The following KIF2A variants were observed in gnomAD, a reference collection of about 807,000 sequenced individuals.
KIF2A encodes kinesin-like protein KIF2A.
KIF2A carries 22 observed loss-of-function variants against 100.2 expected under a neutral mutation model. The observed-to-expected ratio is 0.22, with a 90% CI of 0.16 to 0.31. KIF2A has a LOEUF of 0.31. Among genes scored for constraint, KIF2A ranks in the 10% least tolerant of loss-of-function variants. The pLI is 1.00. For missense variants in KIF2A, 495 were observed against 898.7 expected, an observed-to-expected ratio of 0.55 and a Z score of 5.74; for synonymous variants, 268 against 285.9, an observed-to-expected ratio of 0.94 and a Z score of 0.63.
At chr5:62,382,609 A>G (rs1212936551) in intron 20 of KIF2A, among the ~76,000 whole-genome samples, 2 of 146,730 alleles carry the variant, frequency 1.4e-5, no homozygotes, top group African/African-American at 5.0e-5. Context: ...AAAGTTTGGG[A>G]TTTTTGGAAC....
At chr5:62,310,213 C>A (rs760500252) in intron 1 of KIF2A, among the ~76,000 whole-genome samples, 4 of 151,786 alleles carry the variant, frequency 2.6e-5, no homozygotes, top group Non-Finnish European at 5.9e-5. Flanking sequence ...GCCACCATGC[C>A]CGGCTAATTT....
chr5:62,355,926 C>T (rs1339646497), intron 7 of KIF2A, among the ~76,000 whole-genome samples: 1 of 150,584 alleles, frequency 6.6e-6, no homozygotes, highest in African/African-American at 2.4e-5. Flanking sequence ...GGACTACAGG[C>T]GCCTGCCACC....
At chr5:62,361,789 A>AGGT (rs1313027326) in intron 11 of KIF2A, among the ~76,000 whole-genome samples, 1 of 151,874 alleles carries the variant, frequency 6.6e-6, no homozygotes, top group African/African-American at 2.4e-5. Context: ...TGGGAGGCCA[A>AGGT]GGTGGGTGGA....
At chr5:62,330,531 T>C (rs774525982) in intron 1 of KIF2A, among the ~76,000 whole-genome samples, 8 of 152,324 alleles carry the variant, frequency 5.3e-5, no homozygotes, top group Non-Finnish European at 7.4e-5. Flanking sequence ...AGTAAACTTA[T>C]GTATTTTACT....
intron 2 of KIF2A, among the ~76,000 whole-genome samples, 174 bp from the exon 3 acceptor site, chr5:62,347,874 T>C (rs1747657300): frequency 6.6e-6 from 1 of 152,152 alleles, no homozygotes; most frequent in Admixed American, 6.5e-5. Flanking sequence ...TCCGCCCACC[T>C]TGACCTCCCA....
rs929906316 is a variant in KIF2A at position 62,387,475 on chromosome 5, A to G, written c.*1906A>G. 15 of 152,228 alleles carry G rather than the reference A, an allele frequency of 9.9e-5. No homozygotes were observed. The highest frequency in any genetic ancestry group is 3.6e-4 in the African/African-American group (15 of 41,464). The allele number at this position is 152,228 out of a possible 1,614,324, so 9.4% of individuals were successfully genotyped here. A position where few individuals can be genotyped will look rare whatever the true frequency, so the allele number is the denominator to read the frequency against. ...TACTGTCTTTGGAAAGTCTCCTTAT[A>G]GACAAATATGCTGCCTTACACTATG... On this transcript the variant is annotated 3_prime_UTR_variant, in exon 21 of 21. Transcript: ENST00000407818.
rs1259641778 is a variant in KIF2A, at chr5:62,385,596, C to G, written c.*27C>G. 6.7e-7 allele frequency: 1 copy of G among 1,494,704 alleles called. No homozygotes were observed. Among genetic ancestry groups the G allele is most frequent in the South Asian group, 1.2e-5 (1 of 83,552 alleles). 92.6% of individuals were successfully genotyped at this position (1,494,704 alleles called of 1,614,324 possible). A position where few individuals can be genotyped will look rare whatever the true frequency, so the allele number is the denominator to read the frequency against. ...CCGGCATTTGCTGCTAAAGGATACC[C>G]AGAACCCTCACTACTGTAACATACA... On this transcript the variant is annotated 3_prime_UTR_variant, in exon 21 of 21. Coordinates refer to ENST00000407818, the MANE Select transcript of KIF2A (RefSeq NM_001098511.3).
intron 1 of KIF2A, among the ~76,000 whole-genome samples, chr5:62,338,798 A>G (rs933813982): frequency 1.3e-5 from 2 of 152,210 alleles, no homozygotes; most frequent in African/African-American, 2.4e-5. Flanking sequence ...TTTGCTATAC[A>G]TACAACAAAA....
chr5:62,352,526 A>T, intron 4 of KIF2A, 62 bp from the exon 5 acceptor site: 1 of 1,323,150 alleles, frequency 7.6e-7, no homozygotes, highest in Non-Finnish European at 1.0e-6. Context: ...TCTTCCTTTT[A>T]CTAAGGTTAG....
At chr5:62,349,297 T>A (rs1048828883) in intron 3 of KIF2A, among the ~76,000 whole-genome samples, 2 of 151,398 alleles carry the variant, frequency 1.3e-5, no homozygotes, top group Non-Finnish European at 2.9e-5. Flanking sequence ...TAAGTATTTT[T>A]AAAAGTATTA....
At chr5:62,307,831 T>G (rs909991234) in intron 1 of KIF2A, among the ~76,000 whole-genome samples, 3 of 152,182 alleles carry the variant, frequency 2.0e-5, no homozygotes, top group African/African-American at 7.2e-5. Flanking sequence ...TTGACAAGGC[T>G]GGTCTCGAAC....
intron 20 of KIF2A, 27 bp from the exon 21 acceptor site, chr5:62,385,457 A>G: frequency 2.0e-6 from 3 of 1,492,366 alleles, no homozygotes; most frequent in South Asian, 1.2e-5. Flanking sequence ...TACAATACTT[A>G]TTCCCTCTTT....
chr5:62,371,469 A>G (rs1321375998), intron 16 of KIF2A, among the ~76,000 whole-genome samples: 1 of 152,236 alleles, frequency 6.6e-6, no homozygotes, highest in Admixed American at 6.5e-5. Context: ...ATTTAGTTCA[A>G]CCTAAGAGAA....
At chr5:62,340,168 C>A (rs531186596) in intron 1 of KIF2A, among the ~76,000 whole-genome samples, 38 of 152,178 alleles carry the variant, frequency 2.5e-4, no homozygotes, top group Non-Finnish European at 4.4e-4. Context: ...AACTCCTGAT[C>A]TCTGGTGATC....
chr5:62,355,039 T>A (rs957124379), intron 6 of KIF2A, 120 bp from the exon 7 acceptor site: 9 of 571,770 alleles, frequency 1.6e-5, no homozygotes, highest in African/African-American at 1.3e-4. Flanking sequence ...ATATCGTCAG[T>A]TTAAGTTTAG....
chr5:62,336,317 G>A (rs1332461038), intron 1 of KIF2A, among the ~76,000 whole-genome samples: 1 of 152,214 alleles, frequency 6.6e-6, no homozygotes, highest in Admixed American at 6.5e-5. Flanking sequence ...AAATGCCGCT[G>A]ATTTGCTCCT....
intron 1 of KIF2A, among the ~76,000 whole-genome samples, chr5:62,312,381 G>A (rs1745595860): frequency 6.6e-6 from 1 of 152,204 alleles, no homozygotes; most frequent in Non-Finnish European, 1.5e-5. Flanking sequence ...AAGATTCCCT[G>A]AGAGATCATC....
At chr5:62,329,013 T>C (rs1271429286) in intron 1 of KIF2A, among the ~76,000 whole-genome samples, 1 of 152,170 alleles carries the variant, frequency 6.6e-6, no homozygotes, top group Non-Finnish European at 1.5e-5. Context: ...AAACAATAGA[T>C]GAGGTAAGAA....
rs1001939584 is a variant in KIF2A, at chr5:62,387,787, A to G, written c.*2218A>G. ...GTATATTATTTCATATTTGTTTAAC[A>G]AAAGCAGCTTGATGCCTTTGTTCTG... On this transcript the variant is annotated 3_prime_UTR_variant, in exon 21 of 21. Coordinates refer to ENST00000407818, the MANE Select transcript of KIF2A (RefSeq NM_001098511.3). The G allele has an allele frequency of 6.6e-6, 1 of 152,154 alleles. No homozygotes were observed. Among genetic ancestry groups the G allele is most frequent in the African/African-American group, 2.4e-5 (1 of 41,458 alleles). The allele number at this position is 152,154 out of a possible 1,614,324, so 9.4% of individuals were successfully genotyped here. A position where few individuals can be genotyped will look rare whatever the true frequency, so the allele number is the denominator to read the frequency against.
Sources: allele counts gnomAD v4.1 joint callset (sites outside exome capture counted in the v4.1 genomes callset), GRCh38; gene constraint gnomAD v4.1.1; transcripts MANE v1.5; gene names NCBI Gene and HGNC (gene_info 2026-07-23, HGNC 2026-07-21).